Variants in BBS9 observed in about 807,000 individuals in gnomAD.
BBS9 encodes protein PTHB1.
In BBS9, 89 loss-of-function variants were observed where a neutral mutation model predicts 117.7. The observed-to-expected ratio is 0.76, with a 90% confidence interval of 0.64 to 0.90. The LOEUF (loss-of-function observed/expected upper bound fraction) is 0.90. Ranked by LOEUF, BBS9 falls within the 40% of genes least tolerant of loss-of-function variation. BBS9 has a pLI of 0.00. For missense variants in BBS9, 982 were observed against 1,042.2 expected (o/e 0.94, Z 0.80); for synonymous variants, 379 against 370.9 (o/e 1.02, Z -0.25).
At chr7:33,267,851 C>T (rs1799087662) in intron 7 of BBS9, among the ~76,000 whole-genome samples, 1 of 152,032 alleles carries the variant, frequency 6.6e-6, no homozygotes, top group African/African-American at 2.4e-5. Flanking sequence ...TTTCATTTTC[C>T]TTCAAACTAA....
chr7:33,458,614 C>T (rs1033797177), intron 19 of BBS9, among the ~76,000 whole-genome samples: 2 of 152,118 alleles, frequency 1.3e-5, no homozygotes, highest in African/African-American at 4.8e-5. Context: ...CTGGCAGAAG[C>T]CAAATGAGTT....
chr7:33,270,021 C>CA (rs148600222), intron 7 of BBS9, among the ~76,000 whole-genome samples: 75,892 of 124,552 alleles, frequency 0.61, 22,084 homozygotes, highest in Admixed American at 0.71. Context: ...GACTCTGTCT[C>CA]AAAAAAAAAA....
chr7:33,527,753 T>C (rs761234315), intron 20 of BBS9, among the ~76,000 whole-genome samples: 5 of 152,368 alleles, frequency 3.3e-5, no homozygotes, highest in South Asian at 2.1e-4. Flanking sequence ...TGTTTCTATT[T>C]GGCCATCTTG....
At chr7:33,154,215 A>G (rs989989809) in intron 3 of BBS9, among the ~76,000 whole-genome samples, 2 of 152,210 alleles carry the variant, frequency 1.3e-5, no homozygotes, top group Admixed American at 6.5e-5. Flanking sequence ...ATTTTCTACT[A>G]GTAGAGCAAA....
At chr7:33,572,462 G>A (rs943057732) in intron 21 of BBS9, among the ~76,000 whole-genome samples, 1 of 152,046 alleles carries the variant, frequency 6.6e-6, no homozygotes, top group South Asian at 2.1e-4. Context: ...ATATACAGCA[G>A]TGGGATTGCC....
chr7:33,471,956 C>T (rs548134808), intron 19 of BBS9, among the ~76,000 whole-genome samples: 1 of 152,276 alleles, frequency 6.6e-6, no homozygotes, highest in South Asian at 2.1e-4. Context: ...TTGCCTCTGA[C>T]CACAAGTGCC....
At chr7:33,148,356 T>C (rs1472395791) in intron 2 of BBS9, among the ~76,000 whole-genome samples, 1 of 152,048 alleles carries the variant, frequency 6.6e-6, no homozygotes, top group East Asian at 1.9e-4. Flanking sequence ...GAGTAGTAGA[T>C]TCTGAAAAGA....
intron 5 of BBS9, among the ~76,000 whole-genome samples, chr7:33,189,463 A>G (rs967397765): frequency 6.6e-6 from 1 of 152,200 alleles, no homozygotes; most frequent in African/African-American, 2.4e-5. Flanking sequence ...ATGGGGAAAA[A>G]GCCTATTTAA....
Position 33,605,234 on chromosome 7 carries a change from A to C in BBS9, c.*8A>C. On this transcript the variant is annotated 3_prime_UTR_variant, in exon 23 of 23. Coordinates refer to ENST00000242067, the MANE Select transcript of BBS9 (RefSeq NM_198428.3). The stretch of plus-strand genomic sequence containing the variant: ...CAAGGAGTCTCGGAATAATTCAAGT[A>C]GAGTTGTTTGGTTGAGAGGAACATC... 1 of 1,612,098 alleles carries C rather than the reference A, an allele frequency of 6.2e-7. No homozygotes were observed. The highest frequency in any genetic ancestry group is 8.5e-7 in the Non-Finnish European group (1 of 1,178,204).
chr7:33,360,399 G>A (rs1423803449), intron 16 of BBS9, among the ~76,000 whole-genome samples: 2 of 151,832 alleles, frequency 1.3e-5, no homozygotes, highest in Non-Finnish European at 2.9e-5. Flanking sequence ...CTTGCCAATA[G>A]AGAATCTTAT....
At chr7:33,229,033 C>T (rs1200433975) in intron 5 of BBS9, among the ~76,000 whole-genome samples, 1 of 152,018 alleles carries the variant, frequency 6.6e-6, no homozygotes, top group East Asian at 1.9e-4. Context: ...AAGACTTAGG[C>T]TTTATTTATT....
intron 19 of BBS9, among the ~76,000 whole-genome samples, chr7:33,465,084 C>G (rs956244562): frequency 1.3e-5 from 2 of 151,842 alleles, no homozygotes; most frequent in Non-Finnish European, 2.9e-5. Flanking sequence ...TTATGTTGTT[C>G]TTTAATAATT....
chr7:33,348,499 T>C (rs1484513090), intron 12 of BBS9, among the ~76,000 whole-genome samples: 1 of 152,226 alleles, frequency 6.6e-6, no homozygotes, highest in Non-Finnish European at 1.5e-5. Flanking sequence ...GGATTATTTC[T>C]GCTTTTTGGC....
chr7:33,445,014 C>T (rs1003102809), intron 19 of BBS9, among the ~76,000 whole-genome samples: 20 of 152,050 alleles, frequency 1.3e-4, no homozygotes, highest in Admixed American at 1.1e-3. Flanking sequence ...CATCTTTCCC[C>T]GCATTTAGAA....
chr7:33,246,144 A>G (rs1359454995), intron 5 of BBS9, among the ~76,000 whole-genome samples: 2 of 152,192 alleles, frequency 1.3e-5, no homozygotes, highest in Non-Finnish European at 2.9e-5. Context: ...AGATCAAACA[A>G]TGGCTAAATG....
intron 4 of BBS9, among the ~76,000 whole-genome samples, chr7:33,158,409 C>CA (rs1177963340): frequency 6.6e-6 from 1 of 152,126 alleles, no homozygotes; most frequent in Non-Finnish European, 1.5e-5. Context: ...TATCCCAGGG[C>CA]AAAACCTATG....
At chr7:33,619,556 G>A (rs1865304745) in intron 21 of BBS9, among the ~76,000 whole-genome samples, 1 of 152,004 alleles carries the variant, frequency 6.6e-6, no homozygotes, top group African/African-American at 2.4e-5. Flanking sequence ...CAGAACGCAT[G>A]ATATTTTTGA....
At chr7:33,244,472 A>G (rs1795028391) in intron 5 of BBS9, among the ~76,000 whole-genome samples, 1 of 152,140 alleles carries the variant, frequency 6.6e-6, no homozygotes, top group Non-Finnish European at 1.5e-5. Flanking sequence ...ATCCTTTGGT[A>G]TGTAAAGAGT....
At chr7:33,519,026 T>G (rs1232408807) in intron 20 of BBS9, among the ~76,000 whole-genome samples, 1 of 151,956 alleles carries the variant, frequency 6.6e-6, no homozygotes, top group Non-Finnish European at 1.5e-5. Context: ...TAAATAGCCA[T>G]GTCTTAAAAT....
Sources: allele counts gnomAD v4.1 joint callset (sites outside exome capture counted in the v4.1 genomes callset), GRCh38; gene constraint gnomAD v4.1.1; transcripts MANE v1.5; gene names NCBI Gene and HGNC (gene_info 2026-07-23, HGNC 2026-07-21).